The following RIT2 variants were observed in gnomAD, a reference collection of about 807,000 sequenced individuals.
RIT2 encodes GTP-binding protein Rit2.
RIT2 carries 24 observed loss-of-function variants against 23.7 expected under a neutral mutation model. That is an observed-to-expected ratio of 1.01 (90% CI 0.73 to 1.43). RIT2 has a LOEUF of 1.43. RIT2 is among the 40% of genes most tolerant of loss of function. The pLI, the probability that RIT2 is intolerant of heterozygous loss-of-function variation, is 0.00. For synonymous variants in RIT2, 107 were observed against 91.1 expected (o/e 1.17, Z -0.99); for missense variants, 236 against 266.9 (o/e 0.88, Z 0.81).
intron 1 of RIT2, among the ~76,000 whole-genome samples, chr18:43,077,884 CT>C (rs753072943): frequency 8.1e-4 from 123 of 152,234 alleles, no homozygotes; most frequent in Middle Eastern, 3.4e-3. Context: ...ATGTATTATG[CT>C]TCCATTTTCT....
intron 1 of RIT2, among the ~76,000 whole-genome samples, chr18:43,062,226 A>T (rs1335923421): frequency 6.6e-6 from 1 of 152,124 alleles, no homozygotes. Context: ...AAAAAAAAAT[A>T]GGGTATTTTG....
chr18:42,976,618 G>A (rs1237478061), intron 2 of RIT2, among the ~76,000 whole-genome samples: 1 of 151,962 alleles, frequency 6.6e-6, no homozygotes, highest in Non-Finnish European at 1.5e-5. Flanking sequence ...ACAAGATGAG[G>A]AAGTCACCTT....
intron 1 of RIT2, among the ~76,000 whole-genome samples, chr18:43,073,490 T>C (rs192727067): frequency 2.0e-5 from 3 of 152,344 alleles, no homozygotes; most frequent in Non-Finnish European, 4.4e-5. Context: ...TCCAAACATA[T>C]ATTTACATGT....
At chr18:43,036,563 G>C (rs1445993533) in intron 1 of RIT2, among the ~76,000 whole-genome samples, 1 of 150,302 alleles carries the variant, frequency 6.7e-6, no homozygotes, top group African/African-American at 2.5e-5. Context: ...CCGCCAGCCT[G>C]CCCCGCAAAA....
chr18:42,762,961 A>G (rs1335881592), intron 4 of RIT2, among the ~76,000 whole-genome samples: 1 of 152,166 alleles, frequency 6.6e-6, no homozygotes, highest in Non-Finnish European at 1.5e-5. Context: ...CCATAAGTCA[A>G]TTTCATCATT....
chr18:42,930,399 A>T (rs1255250589), intron 3 of RIT2, among the ~76,000 whole-genome samples: 2 of 152,276 alleles, frequency 1.3e-5, no homozygotes, highest in Admixed American at 6.5e-5. Flanking sequence ...GAAAAGAATT[A>T]TGAAAAAAGG....
At chr18:43,033,273 G>A (rs1911899861) in intron 2 of RIT2, among the ~76,000 whole-genome samples, 1 of 152,060 alleles carries the variant, frequency 6.6e-6, no homozygotes, top group Admixed American at 6.6e-5. Context: ...CTGGGTAGGA[G>A]GAATAAAACA....
At chr18:42,967,420 A>G (rs1910255034) in intron 3 of RIT2, among the ~76,000 whole-genome samples, 1 of 151,268 alleles carries the variant, frequency 6.6e-6, no homozygotes, top group South Asian at 2.1e-4. Flanking sequence ...CCCAGGCTGG[A>G]GTGCAGTGGC....
intron 4 of RIT2, among the ~76,000 whole-genome samples, chr18:42,899,576 C>A (rs776022859): frequency 1.3e-5 from 2 of 151,900 alleles, no homozygotes; most frequent in Non-Finnish European, 2.9e-5. Flanking sequence ...CTCATGAGAG[C>A]TATAGTGATT....
At chr18:42,879,673 A>G (rs1907836484) in intron 4 of RIT2, among the ~76,000 whole-genome samples, 1 of 151,690 alleles carries the variant, frequency 6.6e-6, no homozygotes, top group African/African-American at 2.4e-5. Context: ...TATCTTTTAA[A>G]TGTTGTTTGT....
In RIT2 at chr18:42,923,706, A is replaced by C; in HGVS notation, c.292T>G (p.Cys98Gly). The C allele has an allele frequency of 6.2e-7, 1 of 1,613,360 alleles. No individual in the cohort carries two copies. The highest frequency in any genetic ancestry group is 8.5e-7 in the Non-Finnish European group (1 of 1,179,618). The change falls in exon 4 of 5, where the codon TGC becomes GGC. Residue 98 changes from cysteine to glycine, a missense_variant. Cys to Gly is a radical substitution (Grantham distance 159). Coordinates refer to ENST00000326695, the MANE Select transcript of RIT2 (RefSeq NM_002930.4). ...YMRGGEGFII[C>G]YSVTDRQSFQ... Reference sequence around the variant, plus strand: ...GATTGACGGTCAGTGACGGAGTAGCAGATGATGAAGCCTTCCCCACCTCGC... The same window carrying C: ...GATTGACGGTCAGTGACGGAGTAGCCGATGATGAAGCCTTCCCCACCTCGC...
intron 4 of RIT2, among the ~76,000 whole-genome samples, chr18:42,905,455 A>G (rs764548070): frequency 6.6e-6 from 1 of 152,120 alleles, no homozygotes; most frequent in Non-Finnish European, 1.5e-5. Context: ...GCTTTTTAAG[A>G]AGAGAAAAAC....
chr18:42,915,760 A>C (rs936975869), intron 4 of RIT2, among the ~76,000 whole-genome samples: 1 of 151,952 alleles, frequency 6.6e-6, no homozygotes, highest in African/African-American at 2.4e-5. Flanking sequence ...CAAAAACTAG[A>C]TTGAATCTGT....
chr18:43,028,873 T>C (rs1238705634), intron 2 of RIT2, among the ~76,000 whole-genome samples: 1 of 152,102 alleles, frequency 6.6e-6, no homozygotes, highest in African/African-American at 2.4e-5. Context: ...GTGTACATTT[T>C]AGACACAGAA....
intron 4 of RIT2, among the ~76,000 whole-genome samples, chr18:42,780,348 C>T (rs192188591): frequency 2.5e-4 from 38 of 152,030 alleles, no homozygotes; most frequent in Non-Finnish European, 1.9e-4. Context: ...TTCAACTCAG[C>T]TTGAGTCAAG....
chr18:42,998,986 T>TCC (rs1911047288), intron 2 of RIT2, among the ~76,000 whole-genome samples: 1 of 152,078 alleles, frequency 6.6e-6, no homozygotes, highest in South Asian at 2.1e-4. Flanking sequence ...TTCTACAATG[T>TCC]GTTAACTCTT....
At chr18:42,749,021 T>TATGTC (rs1912983575) in intron 4 of RIT2, among the ~76,000 whole-genome samples, 1 of 151,978 alleles carries the variant, frequency 6.6e-6, no homozygotes, top group Admixed American at 6.6e-5. Flanking sequence ...CAACATGTCA[T>TATGTC]AGCTAACAAA....
rs559677859 is a variant in RIT2 at position 43,115,578 on chromosome 18, C to G, written c.-59G>C. 19 of 1,577,710 alleles carry G rather than the reference C, an allele frequency of 1.2e-5. No homozygotes were observed. In the African/African-American group the frequency reaches 2.6e-4, roughly 22 times the overall value. On this transcript the variant is annotated 5_prime_UTR_variant, in exon 1 of 5. Transcript: ENST00000326695. ...GAAAGTCACCCGTGTCAGGTGCTTG[C>G]TCGAATATTAAGCAACTCTAAAACT...
intron 2 of RIT2, among the ~76,000 whole-genome samples, chr18:43,025,207 T>TA (rs1456319395): frequency 5.8e-5 from 6 of 104,254 alleles, no homozygotes; most frequent in South Asian, 5.7e-4. Flanking sequence ...AGATTCTGTC[T>TA]AAAAAAAACA....
Sources: gnomAD v4.1 joint callset for allele counts (sites outside exome capture counted in the v4.1 genomes callset) on GRCh38, gnomAD v4.1.1 for gene constraint, MANE v1.5 for transcripts, NCBI Gene and HGNC (gene_info 2026-07-23, HGNC 2026-07-21) for gene names.